The following SIGLEC14 variants were observed in gnomAD, a reference collection of about 807,000 sequenced individuals.
SIGLEC14 encodes sialic acid-binding Ig-like lectin 14.
A neutral mutation model predicts 34.2 loss-of-function variants in SIGLEC14; 11 were observed. The observed-to-expected ratio is 0.32, with a 90% CI of 0.20 to 0.53. The LOEUF (loss-of-function observed/expected upper bound fraction) is 0.53, where lower values mean the gene tolerates loss of function less well. Among genes scored for constraint, SIGLEC14 ranks in the 20% least tolerant of loss-of-function variants. The probability of loss-of-function intolerance (pLI) is 0.95; values close to 1 mark genes in which losing one functional copy is unlikely to be tolerated. For missense variants in SIGLEC14, 264 were observed against 439.0 expected (o/e 0.60, Z 3.56); for synonymous variants, 99 against 179.7 (o/e 0.55, Z 3.59).
In SIGLEC14 at chr19:51,643,887, C is replaced by T. The variant is rs776407162; in HGVS notation, c.904G>A (p.Gly302Arg). The change falls in exon 5 of 7, where the codon GGG becomes AGG. Residue 302 changes from glycine (G) to arginine (R), a missense_variant. Gly to Arg is a moderately radical substitution (Grantham distance 125). Transcript: ENST00000360844. The part of the protein sequence containing the change: ...ALNPSQTSMS[G>R]TLELPNIGAR... Reference sequence around the variant, plus strand: ...CCTATGTTAGGCAGCTCCAGGGTCCCAGACATTGAGGTCTGGGAAGGATTG... The same window carrying T: ...CCTATGTTAGGCAGCTCCAGGGTCCTAGACATTGAGGTCTGGGAAGGATTG... 6.5e-7 allele frequency: 1 copy of T among 1,534,068 alleles called. No homozygotes were observed. Among genetic ancestry groups the T allele is most frequent in the South Asian group, 1.2e-5 (1 of 83,258 alleles).
At chr19:51,643,421 G>A (rs2122123000) in intron 6 of SIGLEC14, 24 bp from the exon 7 acceptor site, 1 of 1,485,852 alleles carries the variant, frequency 6.7e-7, no homozygotes, top group Non-Finnish European at 8.9e-7. Flanking sequence ...ATGGGCCTCA[G>A]ATCAGCACCA....
At position 51,645,827 on chromosome 19, in the gene SIGLEC14, C is replaced by T. The variant is rs1984026218; in HGVS notation, c.655G>A (p.Gly219Arg). ...GTTCTCTCCGTGGTCACCTGAGCTC[C>T]TTGGCGTTTCACCTGACAGGTGAGG... ...TNLTCQVKRQ[G>R]AQVTTERTVQ... The change falls in exon 3 of 7, where the codon GGA (glycine) becomes AGA (arginine). Residue 219 changes from glycine to arginine, a missense_variant. Gly to Arg is a moderately radical substitution (Grantham distance 125). Coordinates refer to ENST00000360844, the MANE Select transcript of SIGLEC14 (RefSeq NM_001098612.3). The T allele has an allele frequency of 1.3e-6, 2 of 1,529,856 alleles. 1 individual carries two copies. The highest frequency in any genetic ancestry group is 3.0e-5 in the African/African-American group (2 of 65,748). The allele number at this position is 1,529,856 out of a possible 1,614,324, so 94.8% of individuals were successfully genotyped here.
At chr19:51,643,695 G>T in intron 5 of SIGLEC14, 23 bp from the exon 6 acceptor site, 3 of 1,530,076 alleles carry the variant, frequency 2.0e-6, no homozygotes, top group South Asian at 1.2e-5. Flanking sequence ...AGAAGGTAAG[G>T]TGCTGTTACC....
chr19:51,643,247 G>A lies in SIGLEC14; in HGVS notation c.*108C>T. On this transcript the variant is annotated 3_prime_UTR_variant, in exon 7 of 7. Coordinates refer to ENST00000360844, the MANE Select transcript of SIGLEC14 (RefSeq NM_001098612.3). ...GGTATGGGGCAGGAAGGAAAAGAGG[G>A]GTAGTCAGTGGGATGTGAGCTTCCA... 1 of 1,081,050 alleles carries A rather than the reference G, an allele frequency of 9.3e-7. No homozygotes were observed. Among genetic ancestry groups the A allele is most frequent in the Admixed American group, 1.8e-5 (1 of 55,772 alleles). 67.0% of individuals were successfully genotyped at this position (1,081,050 alleles called of 1,614,324 possible). A position where few individuals can be genotyped will look rare whatever the true frequency, so the allele number is the denominator to read the frequency against.
rs1416639418 is a variant in SIGLEC14 at position 51,644,737 on chromosome 19, G to T, written c.755-701C>A. Among the ~76,000 whole-genome samples, 2 of 138,472 alleles carry T rather than the reference G, an allele frequency of 1.4e-5. 1 individual carries two copies. The highest frequency in any genetic ancestry group is 4.9e-4 in the South Asian group (2 of 4,072). 90.8% of individuals were successfully genotyped at this position (138,472 alleles called of 152,430 possible). ...ACAGCGATGTCCAGAACAGCCCTGG[G>T]ATCAACAGGGAAGGAGGAGCCGAGA... On this transcript the variant is annotated intron_variant, in intron 4 of 6. Coordinates refer to ENST00000360844, the MANE Select transcript of SIGLEC14 (RefSeq NM_001098612.3).
rs1366215933 is a variant in SIGLEC14 at position 51,642,221 on chromosome 19, A to C, written c.*1134T>G. 2.2e-5 allele frequency among the ~76,000 whole-genome samples: 3 copies of C among 139,218 alleles called. No homozygotes were observed. The highest frequency in any genetic ancestry group is 8.2e-5 in the African/African-American group (3 of 36,708). The allele number at this position is 139,218 out of a possible 152,430, so 91.3% of individuals were successfully genotyped here. A position where few individuals can be genotyped will look rare whatever the true frequency, so the allele number is the denominator to read the frequency against. Reference sequence around the variant, plus strand: ...GTGGATACAGAAGGCTGACTGTACGATATTAAAAGCAAAAAAAACCCCACC... The same window carrying C: ...GTGGATACAGAAGGCTGACTGTACGCTATTAAAAGCAAAAAAAACCCCACC... On this transcript the variant is annotated 3_prime_UTR_variant, in exon 7 of 7. Coordinates refer to ENST00000360844, the MANE Select transcript of SIGLEC14 (RefSeq NM_001098612.3).
rs977190446 is a variant in SIGLEC14, at chr19:51,641,043, C to T, written c.*2312G>A. 1.4e-5 allele frequency among the ~76,000 whole-genome samples: 2 copies of T among 138,440 alleles called. No individual in the cohort carries two copies. Among genetic ancestry groups the T allele is most frequent in the African/African-American group, 5.5e-5 (2 of 36,390 alleles). The allele number at this position is 138,440 out of a possible 152,430, so 90.8% of individuals were successfully genotyped here. ...GAATTCTTAATATGTATGCACCTAA[C>T]GACAGAGTTTAAAAATACATGCAGC... On this transcript the variant is annotated 3_prime_UTR_variant, in exon 7 of 7. Coordinates refer to ENST00000360844, the MANE Select transcript of SIGLEC14 (RefSeq NM_001098612.3).
Position 51,643,903 on chromosome 19 carries a change from G to A in SIGLEC14, c.888C>T (p.Ser296=). 6.5e-7 allele frequency: 1 copy of A among 1,534,236 alleles called. No individual in the cohort carries two copies. Among genetic ancestry groups the A allele is most frequent in the Non-Finnish European group, 8.8e-7 (1 of 1,141,776 alleles). The change falls in exon 5 of 7, where the codon TCC becomes TCT. Residue 296 remains serine (S), a synonymous_variant. Transcript: ENST00000360844. ...WFREGKALNP[S]QTSMSGTLEL... is the part of the protein sequence containing the mutation. The stretch of plus-strand genomic sequence containing the variant: ...CCAGGGTCCCAGACATTGAGGTCTG[G>A]GAAGGATTGAGGGCTTTTCCCTCCC...
Position 51,646,398 on chromosome 19 carries a change from C to A in SIGLEC14, c.280G>T (p.Gly94Trp). Residue 94 changes from glycine to tryptophan, a missense_variant, in exon 2 of 7, where the codon GGG becomes TGG. This residue lies in a region of SIGLEC14 where 31 missense variants were observed against 67.4 expected (regional missense o/e 0.46). Coordinates refer to ENST00000360844, the MANE Select transcript of SIGLEC14 (RefSeq NM_001098612.3). Reference protein sequence around the residue: ...PETQGRFRLLGDVQKKNCSLS... With the variant: ...PETQGRFRLLWDVQKKNCSLS... The stretch of plus-strand genomic sequence containing the variant: ...GAGCAGTTCTTCTTCTGGACATCCC[C>A]AAGGAGGCGGAATCGGCCCTGGGTC... 3 of 1,129,912 alleles carry A rather than the reference C, an allele frequency of 2.7e-6. No homozygotes were observed. The highest frequency in any genetic ancestry group is 3.6e-6 in the Non-Finnish European group (3 of 844,666). The allele number at this position is 1,129,912 out of a possible 1,614,324, so 70.0% of individuals were successfully genotyped here.
In SIGLEC14 at chr19:51,644,031, G is replaced by A. The variant is rs577477660; in HGVS notation, c.760C>T (p.Arg254Trp). ...ACCGACATGCCATTGCTCAGGATCC[G>A]CAGGGCTGGGAAAGAGAAGCACAGC... ...FFRNGTGTAL[R>W]ILSNGMSVPI... Residue 254 changes from arginine to tryptophan, a missense_variant, in exon 5 of 7, where the codon CGG (arginine) becomes TGG (tryptophan). Physicochemically the swap from Arg to Trp is moderately radical, Grantham distance 101. Coordinates refer to ENST00000360844, the MANE Select transcript of SIGLEC14 (RefSeq NM_001098612.3). 3.2e-5 allele frequency: 48 copies of A among 1,506,058 alleles called. 4 individuals are homozygous for A. The Admixed American group carries it at 3.4e-4, about 11-fold the overall frequency. The allele number at this position is 1,506,058 out of a possible 1,614,324, so 93.3% of individuals were successfully genotyped here. A position where few individuals can be genotyped will look rare whatever the true frequency, so the allele number is the denominator to read the frequency against.
In SIGLEC14 at chr19:51,645,050, C is replaced by G. The variant is rs1168099746; in HGVS notation, c.754+427G>C. Among the ~76,000 whole-genome samples, 5 of 137,628 alleles carry G rather than the reference C, an allele frequency of 3.6e-5. 2 individuals are homozygous for G. The highest frequency in any genetic ancestry group is 1.4e-4 in the African/African-American group (5 of 36,060). 90.3% of individuals were successfully genotyped at this position (137,628 alleles called of 152,430 possible). On this transcript the variant is annotated intron_variant, in intron 4 of 6. Coordinates refer to ENST00000360844, the MANE Select transcript of SIGLEC14 (RefSeq NM_001098612.3). ...TCCTGAGTACTCAAACTCACAGAGA[C>G]AGAAAAGTAGAATGGTGACTGCTCG... is the stretch of plus-strand genomic sequence containing the variant.
intron 6 of SIGLEC14, 54 bp downstream of exon 6, chr19:51,643,483 G>GGGGGGGGGGGGGGGCCCCCCCCCCCCC: frequency 7.7e-7 from 1 of 1,297,886 alleles, no homozygotes; most frequent in Non-Finnish European, 1.0e-6. Flanking sequence ...GGGCAGGACA[G>GGGGGGGGGGGGGGGCCCCCCCCCCCCC]CTCAGCCCCA....
rs1192707082 is a variant in SIGLEC14, at chr19:51,641,642, G to A, written c.*1713C>T. Among the ~76,000 whole-genome samples the A allele has an allele frequency of 7.2e-6, 1 of 138,946 alleles. No homozygotes were observed. Among genetic ancestry groups the A allele is most frequent in the African/African-American group, 2.7e-5 (1 of 36,510 alleles). The allele number at this position is 138,946 out of a possible 152,430, so 91.2% of individuals were successfully genotyped here. ...AAGAATGAGATTATGTCCTTTGCAG[G>A]GACATGAGTGGAGCTGGAGACCATT... is the stretch of plus-strand genomic sequence containing the variant. On this transcript the variant is annotated 3_prime_UTR_variant, in exon 7 of 7. Coordinates refer to ENST00000360844, the MANE Select transcript of SIGLEC14 (RefSeq NM_001098612.3).
rs767863502 is a variant in SIGLEC14, at chr19:51,641,386, T to C, written c.*1969A>G. ...GCCATTGTGGAAGACAGTGTGGCGA[T>C]TCCTCAAAGACCTAAACATAGAAAT... On this transcript the variant is annotated 3_prime_UTR_variant, in exon 7 of 7. Transcript: ENST00000360844. Among the ~76,000 whole-genome samples the C allele has an allele frequency of 7.2e-6, 1 of 139,498 alleles. No homozygotes were observed. Among genetic ancestry groups the C allele is most frequent in the Non-Finnish European group, 1.5e-5 (1 of 65,094 alleles). The allele number at this position is 139,498 out of a possible 152,430, so 91.5% of individuals were successfully genotyped here.
In SIGLEC14 at chr19:51,641,276, C is replaced by T. The variant is rs1018044317; in HGVS notation, c.*2079G>A. ...ACATTCTTTCTAAGCACACATGGAG[C>T]ATTCACCAAGATAGACCAGTGTCAT... On this transcript the variant is annotated 3_prime_UTR_variant, in exon 7 of 7. Transcript: ENST00000360844. Among the ~76,000 whole-genome samples the T allele has an allele frequency of 3.6e-5, 5 of 139,232 alleles. 1 individual carries two copies. The highest frequency in any genetic ancestry group is 3.1e-5 in the Non-Finnish European group (2 of 65,026). 91.3% of individuals were successfully genotyped at this position (139,232 alleles called of 152,430 possible).
Position 51,642,225 on chromosome 19 carries a change from TA to T in SIGLEC14, c.*1129del, listed in dbSNP as rs1983921240. On this transcript the variant is annotated 3_prime_UTR_variant, in exon 7 of 7. Transcript: ENST00000360844. ...ATACAGAAGGCTGACTGTACGATAT[TA>T]AAAGCAAAAAAAACCCCACCAAAAC... Among the ~76,000 whole-genome samples, 2 of 138,574 alleles carry T rather than the reference TA, an allele frequency of 1.4e-5. No individual in the cohort carries two copies. Among genetic ancestry groups the T allele is most frequent in the Admixed American group, 6.9e-5 (1 of 14,402 alleles). The allele number at this position is 138,574 out of a possible 152,430, so 90.9% of individuals were successfully genotyped here. A position where few individuals can be genotyped will look rare whatever the true frequency, so the allele number is the denominator to read the frequency against.
chr19:51,643,865 A>G lies in SIGLEC14; in HGVS notation c.926T>C (p.Ile309Thr). The change falls in exon 5 of 7, where the codon ATA becomes ACA. Residue 309 changes from isoleucine (I) to threonine (T), a missense_variant. By Grantham distance (89) the Ile-to-Thr change is moderately conservative. Around this residue, in one of 5 missense-constraint regions of SIGLEC14, gnomAD observed 149 missense variants for 184.4 expected, o/e 0.81. Transcript: ENST00000360844. ...SMSGTLELPN[I>T]GAREGGEFTC... ...GAATTCCCCTCCCTCTCTAGCTCCT[A>G]TGTTAGGCAGCTCCAGGGTCCCAGA... 1 of 1,533,250 alleles carries G rather than the reference A, an allele frequency of 6.5e-7. No homozygotes were observed. Among genetic ancestry groups the G allele is most frequent in the East Asian group, 3.5e-5 (1 of 28,928 alleles). 95.0% of individuals were successfully genotyped at this position (1,533,250 alleles called of 1,614,324 possible).
rs558888857 is a variant in SIGLEC14 at position 51,644,652 on chromosome 19, G to T, written c.755-616C>A. Among the ~76,000 whole-genome samples the T allele has an allele frequency of 3.4e-4, 46 of 137,226 alleles. 11 individuals are homozygous for T. The highest frequency in any genetic ancestry group is 1.3e-3 in the African/African-American group (45 of 35,926). The allele number at this position is 137,226 out of a possible 152,430, so 90.0% of individuals were successfully genotyped here. On this transcript the variant is annotated intron_variant, in intron 4 of 6. Transcript: ENST00000360844. Reference sequence around the variant, plus strand: ...GATGAGGAGGGAAGTGATGATTGGTGAAGTAAAGGTGTTAAGACTTGCGGA... The same window carrying T: ...GATGAGGAGGGAAGTGATGATTGGTTAAGTAAAGGTGTTAAGACTTGCGGA...
chr19:51,639,684 C>T lies in SIGLEC14; in HGVS notation c.*3671G>A, dbSNP rs1399164014. ...CTAATCCCATTCATGAAGGATGGCACCATTATGGGTTAATCACTTTCCAAA... is the reference window on the plus strand; with the variant it reads ...CTAATCCCATTCATGAAGGATGGCATCATTATGGGTTAATCACTTTCCAAA... On this transcript the variant is annotated 3_prime_UTR_variant, in exon 7 of 7. Coordinates refer to ENST00000360844, the MANE Select transcript of SIGLEC14 (RefSeq NM_001098612.3). 3 of 138,818 alleles carry T rather than the reference C, an allele frequency of 2.2e-5. No homozygotes were observed. The highest frequency in any genetic ancestry group is 3.1e-5 in the Non-Finnish European group (2 of 64,910). 8.6% of individuals were successfully genotyped at this position (138,818 alleles called of 1,614,324 possible). A position where few individuals can be genotyped will look rare whatever the true frequency, so the allele number is the denominator to read the frequency against.
Sources: gnomAD v4.1 joint callset for allele counts (sites outside exome capture counted in the v4.1 genomes callset) on GRCh38, gnomAD v4.1.1 for gene constraint, gnomAD v4.1.1 regional missense constraint, MANE v1.5 for transcripts, NCBI Gene and HGNC (gene_info 2026-07-23, HGNC 2026-07-21) for gene names.